Variants in PDS5A observed in about 807,000 individuals in gnomAD.
The protein encoded by PDS5A is sister chromatid cohesion protein PDS5 homolog A.
Under a neutral mutation model 167.1 loss-of-function variants are expected in PDS5A, and 42 were observed. The observed-to-expected ratio is 0.25, with a 90% CI of 0.20 to 0.33. The LOEUF (loss-of-function observed/expected upper bound fraction) is 0.33. PDS5A is among the 10% of genes least tolerant of loss of function. The probability of loss-of-function intolerance (pLI) is 1.00; values close to 1 mark genes in which losing one functional copy is unlikely to be tolerated. For missense variants in PDS5A, 1,033 were observed against 1,605.9 expected (o/e 0.64, Z 6.10); for synonymous variants, 553 against 554.6 (o/e 1.00, Z 0.04).
chr4:39,915,315 A>G (rs556172119), intron 8 of PDS5A, among the ~76,000 whole-genome samples: 131 of 142,836 alleles, frequency 9.2e-4, no homozygotes, highest in Middle Eastern at 3.8e-3. Flanking sequence ...CTGGGATTAT[A>G]TGGACATGAG....
chr4:39,869,912 G>C (rs568290746), intron 21 of PDS5A, among the ~76,000 whole-genome samples: 2 of 152,238 alleles, frequency 1.3e-5, no homozygotes, highest in African/African-American at 2.4e-5. Context: ...TTTGAGACCA[G>C]CCTGGCTAAC....
intron 6 of PDS5A, among the ~76,000 whole-genome samples, chr4:39,921,480 A>G (rs1188948635): frequency 6.6e-6 from 1 of 151,944 alleles, no homozygotes. Context: ...TCATGCCTGT[A>G]ATCTCAGCAC....
chr4:39,910,022 G>C, intron 10 of PDS5A: 2 of 379,890 alleles, frequency 5.3e-6, no homozygotes, highest in Non-Finnish European at 9.4e-6. Context: ...TTGAGCCCAG[G>C]AGTGAAAGCC....
At chr4:39,915,501 G>A (rs1211581417) in intron 8 of PDS5A, among the ~76,000 whole-genome samples, 7 of 151,812 alleles carry the variant, frequency 4.6e-5, no homozygotes, top group African/African-American at 7.2e-5. Flanking sequence ...CTGGGACTAC[G>A]GGTGTGTGGC....
intron 24 of PDS5A, 53 bp from the exon 25 acceptor site, chr4:39,863,126 AG>A (rs1260805781): frequency 4.1e-5 from 55 of 1,356,416 alleles, no homozygotes; most frequent in Non-Finnish European, 5.6e-5. Context: ...AATAAAAAAC[AG>A]CAGTTTAAGT....
At chr4:39,842,909 T>TTATATATATATATATATATA (rs71194933) in intron 30 of PDS5A, among the ~76,000 whole-genome samples, 2,503 of 91,666 alleles carry the variant, frequency 0.027, 126 homozygotes, top group Middle Eastern at 0.049. Context: ...TATCCTATTT[T>TTATATATATATATATATATA]TATATATATA....
chr4:39,833,190 T>TGAA (rs1716070643), intron 32 of PDS5A, among the ~76,000 whole-genome samples: 1 of 5,216 alleles, frequency 1.9e-4, no homozygotes, highest in African/African-American at 4.7e-4. Context: ...AAACTCCGTC[T>TGAA]CAAAAAAAAA....
chr4:39,975,708 G>A (rs982053018), intron 2 of PDS5A, among the ~76,000 whole-genome samples: 2 of 152,150 alleles, frequency 1.3e-5, no homozygotes, highest in African/African-American at 2.4e-5. Context: ...TCTCCTGGAG[G>A]TCAAAGTTGC....
intron 31 of PDS5A, among the ~76,000 whole-genome samples, chr4:39,838,549 C>G (rs999613294): frequency 1.3e-5 from 2 of 152,062 alleles, no homozygotes; most frequent in Non-Finnish European, 2.9e-5. Flanking sequence ...TAGTGAGATC[C>G]CATCTCTACA....
chr4:39,930,247 G>GATTTTTT (rs1725914090), intron 2 of PDS5A, among the ~76,000 whole-genome samples: 1 of 61,952 alleles, frequency 1.6e-5, no homozygotes, highest in Admixed American at 2.0e-4. Context: ...AAAAAAAAAA[G>GATTTTTT]TTTTTTTGTT....
intron 2 of PDS5A, among the ~76,000 whole-genome samples, chr4:39,963,193 C>A (rs1185368687): frequency 6.6e-6 from 1 of 151,392 alleles, no homozygotes; most frequent in Non-Finnish European, 1.5e-5. Flanking sequence ...CAGTGGCTCA[C>A]AGCTGTAATC....
Position 39,837,853 on chromosome 4 carries a change from T to C in PDS5A, c.4010+3A>G. ...CCACTTGAGGAAGAATGGCGTACAT[T>C]ACCTTTGTAAGTCAATTTGTCTTTC... On this transcript the variant is annotated splice_donor_region_variant and intron_variant, in intron 32 of 32. Coordinates refer to ENST00000303538, the MANE Select transcript of PDS5A (RefSeq NM_001100399.2). 1 of 1,601,918 alleles carries C rather than the reference T, an allele frequency of 6.2e-7. No homozygotes were observed.
intron 31 of PDS5A, among the ~76,000 whole-genome samples, chr4:39,840,597 C>G (rs1053733302): frequency 1.3e-5 from 2 of 151,646 alleles, no homozygotes; most frequent in Non-Finnish European, 2.9e-5. Flanking sequence ...GTTTTCACCA[C>G]GTTGGCCAGG....
Position 39,845,853 on chromosome 4 carries a change from A to C in PDS5A, c.3367T>G (p.Ser1123Ala). The change falls in exon 29 of 33, where the codon TCA (serine) becomes GCA (alanine). Residue 1123 changes from serine to alanine, a missense_variant. Around this residue, in one of 4 missense-constraint regions of PDS5A, gnomAD observed 233 missense variants for 264.0 expected, o/e 0.88. Transcript: ENST00000303538. ...AACAGAAGTACTCTTGTCTCTTCTG[A>C]AATATAACTCTTATCGTTACAGAAG... ...KDFCNDKSYI[S>A]EETRVLLLTG... is the part of the protein sequence containing the mutation. The C allele has an allele frequency of 7.1e-7, 1 of 1,400,356 alleles. No individual in the cohort carries two copies. The highest frequency in any genetic ancestry group is 9.4e-7 in the Non-Finnish European group (1 of 1,069,102). 86.7% of individuals were successfully genotyped at this position (1,400,356 alleles called of 1,614,324 possible). A position where few individuals can be genotyped will look rare whatever the true frequency, so the allele number is the denominator to read the frequency against.
chr4:39,836,639 T>G (rs1716431622), intron 32 of PDS5A, among the ~76,000 whole-genome samples: 1 of 145,452 alleles, frequency 6.9e-6, no homozygotes, highest in South Asian at 2.2e-4. Flanking sequence ...TTTTTTTGTA[T>G]TTTTAGTAGA....
At chr4:39,861,038 C>T (rs1400539784) in intron 26 of PDS5A, among the ~76,000 whole-genome samples, 3 of 149,304 alleles carry the variant, frequency 2.0e-5, no homozygotes, top group Admixed American at 1.3e-4. Context: ...CACTTCAGCC[C>T]GGGGGATAGA....
intron 2 of PDS5A, among the ~76,000 whole-genome samples, chr4:39,949,300 T>G (rs1446147393): frequency 6.2e-5 from 1 of 16,112 alleles, no homozygotes; most frequent in Non-Finnish European, 1.2e-4. Context: ...AGAACCTATC[T>G]CAAAAAAAAA....
chr4:39,936,407 C>T (rs918257753), intron 2 of PDS5A, among the ~76,000 whole-genome samples: 7 of 151,838 alleles, frequency 4.6e-5, no homozygotes, highest in African/African-American at 1.5e-4. Context: ...TAGAATAACT[C>T]ACAGAACTCA....
chr4:39,848,408 TTA>T (rs771169532), intron 28 of PDS5A: 1 of 163,606 alleles, frequency 6.1e-6, no homozygotes, highest in Non-Finnish European at 1.3e-5. Flanking sequence ...TTGAATGGTT[TTA>T]TGTGATAAAC....
Sources: gnomAD v4.1 joint callset for allele counts (sites outside exome capture counted in the v4.1 genomes callset) on GRCh38, gnomAD v4.1.1 for gene constraint, gnomAD v4.1.1 regional missense constraint, MANE v1.5 for transcripts, NCBI Gene and HGNC (gene_info 2026-07-23, HGNC 2026-07-21) for gene names.